The following EVC variants were observed in gnomAD, a reference collection of about 807,000 sequenced individuals.
EVC encodes the protein EvC ciliary complex subunit 1, also known as evC complex member EVC.
A neutral mutation model predicts 118.9 loss-of-function variants in EVC; 116 were observed. That is an observed-to-expected ratio of 0.98 (90% confidence interval 0.84 to 1.14). The LOEUF (loss-of-function observed/expected upper bound fraction) is 1.14. Ranked by LOEUF, EVC falls within the 50% of genes most tolerant of loss-of-function variation. The pLI is 0.00. For synonymous variants in EVC, 619 were observed against 534.7 expected, an observed-to-expected ratio of 1.16 and a Z score of -2.18; for missense variants, 1,401 against 1,246.4, an observed-to-expected ratio of 1.12 and a Z score of -1.87.
At chr4:5,777,447 A>C (rs1205627273) in intron 11 of EVC, among the ~76,000 whole-genome samples, 3 of 152,172 alleles carry the variant, frequency 2.0e-5, no homozygotes, top group African/African-American at 7.2e-5. Context: ...CAGGCTGTCA[A>C]AGGACCTGCT....
chr4:5,761,428 G>C (rs1159688353), intron 11 of EVC, among the ~76,000 whole-genome samples: 2 of 140,504 alleles, frequency 1.4e-5, no homozygotes, highest in Non-Finnish European at 3.0e-5. Context: ...GCAAGTCACA[G>C]ACTTGGCTGT....
chr4:5,819,053 T>C (rs1269851969), downstream of EVC, among the ~76,000 whole-genome samples: 1 of 152,202 alleles, frequency 6.6e-6, no homozygotes, highest in Non-Finnish European at 1.5e-5. Flanking sequence ...GGGGAAAGAA[T>C]AGTCTTTGCA....
chr4:5,717,473 C>T (rs185507427), intron 1 of EVC, among the ~76,000 whole-genome samples: 276 of 152,242 alleles, frequency 1.8e-3, no homozygotes, highest in Non-Finnish European at 3.5e-3. Flanking sequence ...TGCTGATGCT[C>T]CCTCTGTGGG....
intron 1 of EVC, among the ~76,000 whole-genome samples, chr4:5,716,684 ATTG>A (rs1724015326): frequency 6.6e-6 from 1 of 152,148 alleles, no homozygotes; most frequent in African/African-American, 2.4e-5. Flanking sequence ...TTCCTTGGCT[ATTG>A]TTTTAGGCGA....
rs1161036004 is a variant in EVC, at chr4:5,808,303, A to G, written c.2664A>G (p.Glu888=). The G allele has an allele frequency of 1.2e-6, 2 of 1,614,230 alleles. No homozygotes were observed. The highest frequency in any genetic ancestry group is 3.3e-5 in the Admixed American group (2 of 60,028). ...QQQAGVMDLL[E]AQLETQLQEA... ...AGGCAGGAGTCATGGACCTTCTGGA[A>G]GCCCAGCTGGAGACCCAGCTACAGG... Residue 888 remains glutamate, a synonymous_variant, in exon 18 of 21, where the codon GAA becomes GAG. Coordinates refer to ENST00000264956, the MANE Select transcript of EVC (RefSeq NM_153717.3).
intron 11 of EVC, among the ~76,000 whole-genome samples, chr4:5,764,499 C>G (rs1211016361): frequency 1.4e-5 from 2 of 147,532 alleles, no homozygotes; most frequent in Non-Finnish European, 3.0e-5. Context: ...CCTTGTACCT[C>G]TGGTAGAATT....
Position 5,719,272 on chromosome 4 carries a change from A to G in EVC, c.199A>G (p.Lys67Glu). The G allele has an allele frequency of 6.2e-7, 1 of 1,614,164 alleles. No individual in the cohort carries two copies. The highest frequency in any genetic ancestry group is 8.5e-7 in the Non-Finnish European group (1 of 1,180,034). Reference sequence around the variant, plus strand: ...GAAAGACGACACTCAAAATCTGCTCAAGAATTTGGAGTCTAATGCGCAGAC... The same window carrying G: ...GAAAGACGACACTCAAAATCTGCTCGAGAATTTGGAGTCTAATGCGCAGAC... Reference protein sequence around the residue: ...HQKDDTQNLLKNLESNAQTPS... With the variant: ...HQKDDTQNLLENLESNAQTPS... Residue 67 changes from lysine to glutamate, a missense_variant, in exon 2 of 21, where the codon AAG (lysine) becomes GAG (glutamate). Lys to Glu is a moderately conservative substitution (Grantham distance 56, BLOSUM62 1). Coordinates refer to ENST00000264956, the MANE Select transcript of EVC (RefSeq NM_153717.3). The surrounding 1 kb of genome is among the most constrained non-coding windows in gnomAD (Gnocchi z 4.7).
rs1297733300 is a variant in EVC, at chr4:5,748,542, A to G, written c.1098+236A>G. Among the ~76,000 whole-genome samples, 132 of 150,170 alleles carry G rather than the reference A, an allele frequency of 8.8e-4. 1 individual carries two copies. The highest frequency in any genetic ancestry group is 2.9e-3 in the African/African-American group (118 of 40,548). Reference sequence around the variant, plus strand: ...CATCCATCCATCCATCTACCCATCCATCCATCTGCCCTCCCACCCATTTAT... The same window carrying G: ...CATCCATCCATCCATCTACCCATCCGTCCATCTGCCCTCCCACCCATTTAT... On this transcript the variant is annotated intron_variant, in intron 8 of 20. Transcript: ENST00000264956.
intron 2 of EVC, among the ~76,000 whole-genome samples, chr4:5,724,848 C>G (rs1304045180): frequency 6.6e-6 from 1 of 152,086 alleles, no homozygotes; most frequent in Non-Finnish European, 1.5e-5. Context: ...CCAGCATGCA[C>G]TAGCTATTCT....
Position 5,783,662 on chromosome 4 carries a change from G to A in EVC, c.1674G>A (p.Arg558=), listed in dbSNP as rs988062323. ...CCCCGGAAGAGTGTGACTACTTGAGGCAGGAAGTCCAGGAGAACGCTGCCT... is the reference window on the plus strand; with the variant it reads ...CCCCGGAAGAGTGTGACTACTTGAGACAGGAAGTCCAGGAGAACGCTGCCT... ...GLPPEECDYL[R]QEVQENAAWQ... Residue 558 remains arginine (R), a synonymous_variant, in exon 12 of 21, where the codon AGG becomes AGA. Coordinates refer to ENST00000264956, the MANE Select transcript of EVC (RefSeq NM_153717.3). The A allele has an allele frequency of 1.9e-6, 3 of 1,614,160 alleles. No individual in the cohort carries two copies. The highest frequency in any genetic ancestry group is 1.3e-5 in the African/African-American group (1 of 75,040).
In EVC at chr4:5,798,514, C is replaced by T; in HGVS notation, c.2098-72C>T. 4 of 1,469,778 alleles carry T rather than the reference C, an allele frequency of 2.7e-6. No individual in the cohort carries two copies. The highest frequency in any genetic ancestry group is 2.5e-5 in the East Asian group (1 of 40,534). The allele number at this position is 1,469,778 out of a possible 1,614,324, so 91.0% of individuals were successfully genotyped here. A position where few individuals can be genotyped will look rare whatever the true frequency, so the allele number is the denominator to read the frequency against. The stretch of plus-strand genomic sequence containing the variant: ...TGGGCCCTGGATAGGACCAGCCCCA[C>T]ATCCCAGTCCTGGCCAGAGCTTCTC... On this transcript the variant is annotated intron_variant, in intron 14 of 20. Coordinates refer to ENST00000264956, the MANE Select transcript of EVC (RefSeq NM_153717.3). The surrounding 1 kb of genome is among the most constrained non-coding windows in gnomAD (Gnocchi z 4.1).
chr4:5,787,199 A>G (rs1711824965), intron 12 of EVC, among the ~76,000 whole-genome samples: 1 of 152,260 alleles, frequency 6.6e-6, no homozygotes, highest in Non-Finnish European at 1.5e-5. Context: ...GCTCTAATGC[A>G]GATTTCTGCT....
At chr4:5,776,068 T>G (rs1461241424) in intron 11 of EVC, among the ~76,000 whole-genome samples, 1 of 152,148 alleles carries the variant, frequency 6.6e-6, no homozygotes, top group Admixed American at 6.5e-5. Flanking sequence ...CATTCCTAAT[T>G]TGCTAAGTGT....
intron 11 of EVC, among the ~76,000 whole-genome samples, chr4:5,776,662 C>G (rs567411113): frequency 6.6e-6 from 1 of 152,244 alleles, no homozygotes; most frequent in South Asian, 2.1e-4. Context: ...TGTATGTGCT[C>G]TGTCATTATC....
intron 11 of EVC, among the ~76,000 whole-genome samples, chr4:5,773,373 C>CCTCCCAT (rs1467852928): frequency 4.6e-5 from 7 of 152,074 alleles, no homozygotes; most frequent in Non-Finnish European, 8.8e-5. Flanking sequence ...GCTCCATGTC[C>CCTCCCAT]CTCCCATCTT....
At chr4:5,803,853 C>G (rs1221327835) in intron 16 of EVC, among the ~76,000 whole-genome samples, 1 of 152,006 alleles carries the variant, frequency 6.6e-6, no homozygotes, top group Admixed American at 6.6e-5. Context: ...AGAGGTAATC[C>G]TATAGTTAGC....
At chr4:5,711,926 T>C (rs1037314960) in intron 1 of EVC, among the ~76,000 whole-genome samples, 5 of 152,312 alleles carry the variant, frequency 3.3e-5, no homozygotes, top group Admixed American at 3.3e-4. Context: ...CTATTCCTGC[T>C]TCTGCCTCTT....
chr4:5,744,975 T>TTTTTTC (rs1729138626), intron 6 of EVC, among the ~76,000 whole-genome samples: 1 of 151,868 alleles, frequency 6.6e-6, no homozygotes, highest in African/African-American at 2.4e-5. Flanking sequence ...CTAGTTTTTT[T>TTTTTTC]TTTTTTTTTG....
At chr4:5,736,107 C>T (rs917210453) in intron 5 of EVC, among the ~76,000 whole-genome samples, 2 of 152,102 alleles carry the variant, frequency 1.3e-5, no homozygotes, top group African/African-American at 4.8e-5. Flanking sequence ...GCAGGAGAAG[C>T]TGGAGTGTAA....
Sources: allele counts gnomAD v4.1 joint callset (sites outside exome capture counted in the v4.1 genomes callset), GRCh38; gene constraint gnomAD v4.1.1; non-coding constraint Gnocchi (gnomAD v3.1); transcripts MANE v1.5; gene names NCBI Gene and HGNC (gene_info 2026-07-23, HGNC 2026-07-21).